RAB8B: variants seen among roughly 807,000 people sequenced by gnomAD.
The protein encoded by RAB8B is ras-related protein Rab-8B.
A neutral mutation model predicts 32.0 loss-of-function variants in RAB8B; 11 were observed. The observed-to-expected ratio is 0.34, with a 90% CI of 0.22 to 0.57. The LOEUF is 0.57. Among genes scored for constraint, RAB8B ranks in the 20% least tolerant of loss-of-function variants. RAB8B has a pLI of 0.86. For synonymous variants in RAB8B, 103 were observed against 89.6 expected (o/e 1.15, Z -0.85); for missense variants, 190 against 258.5 (o/e 0.73, Z 1.82).
chr15:63,192,797 T>C (rs925602474), intron 1 of RAB8B, among the ~76,000 whole-genome samples: 3 of 152,192 alleles, frequency 2.0e-5, no homozygotes, highest in African/African-American at 7.2e-5. Flanking sequence ...CTCACTTCTC[T>C]AAGGTCTTGC....
In RAB8B at chr15:63,248,322, G is replaced by A. The variant is rs2038088005; in HGVS notation, c.186-1323G>A. ...AGGTCAGGAGTTTGAGACCAGCCTG[G>A]TTAATATGGTGAAACCCCATCTCTA... On this transcript the variant is annotated intron_variant, in intron 2 of 7. Transcript: ENST00000321437. This position sits in a 1 kb window ranked among gnomAD's most constrained non-coding sequence, Gnocchi z 4.4. Among the ~76,000 whole-genome samples, 3 of 152,144 alleles carry A rather than the reference G, an allele frequency of 2.0e-5. No homozygotes were observed. Among genetic ancestry groups the A allele is most frequent in the Admixed American group, 2.0e-4 (3 of 15,276 alleles).
chr15:63,211,414 T>C (rs373076824), intron 1 of RAB8B, among the ~76,000 whole-genome samples: 6 of 152,346 alleles, frequency 3.9e-5, no homozygotes, highest in East Asian at 1.9e-4. Flanking sequence ...CCAGACTATA[T>C]GTGTTCACCA....
intron 3 of RAB8B, among the ~76,000 whole-genome samples, chr15:63,249,988 T>C (rs1253320094): frequency 1.3e-5 from 2 of 149,860 alleles, no homozygotes; most frequent in Non-Finnish European, 3.0e-5. Context: ...TACAAAAAAT[T>C]AGCCGGGCGC....
At chr15:63,223,143 GCT>G in intron 1 of RAB8B, 1 of 435,758 alleles carries the variant, frequency 2.3e-6, no homozygotes, top group Non-Finnish European at 4.6e-6. Context: ...ACGGAATCTT[GCT>G]CTGTCACCCA....
intron 1 of RAB8B, among the ~76,000 whole-genome samples, chr15:63,224,187 C>G (rs2037870589): frequency 6.6e-6 from 1 of 152,078 alleles, no homozygotes; most frequent in African/African-American, 2.4e-5. Flanking sequence ...GTAGTTGTTT[C>G]CAACATAGTT....
rs1309023391 is a variant in RAB8B at position 63,259,897 on chromosome 15, T to C, written c.480+205T>C. Reference sequence around the variant, plus strand: ...GTCGCCAGGCTGGAATGCAGTGGCATGATCTCGGCTCACTGCAACCTCTGC... The same window carrying C: ...GTCGCCAGGCTGGAATGCAGTGGCACGATCTCGGCTCACTGCAACCTCTGC... On this transcript the variant is annotated intron_variant, in intron 6 of 7. Coordinates refer to ENST00000321437, the MANE Select transcript of RAB8B (RefSeq NM_016530.3). The surrounding 1 kb of genome is among the most constrained non-coding windows in gnomAD (Gnocchi z 4.4). Among the ~76,000 whole-genome samples, 1 of 151,950 alleles carries C rather than the reference T, an allele frequency of 6.6e-6. No individual in the cohort carries two copies. Among genetic ancestry groups the C allele is most frequent in the East Asian group, 1.9e-4 (1 of 5,182 alleles).
At chr15:63,206,440 T>C (rs894485512) in intron 1 of RAB8B, among the ~76,000 whole-genome samples, 2 of 152,126 alleles carry the variant, frequency 1.3e-5, no homozygotes, top group African/African-American at 4.8e-5. Context: ...CCTGAAAAGA[T>C]CCCCTACTCC....
At chr15:63,235,152 AC>A (rs10711042) in intron 1 of RAB8B, among the ~76,000 whole-genome samples, 152,195 of 152,196 alleles carry the variant, frequency 1, 76,097 homozygotes, top group Middle Eastern at 1. Flanking sequence ...GATAAAATGT[AC>A]CCCTAGAAGA....
At chr15:63,210,128 A>C (rs2037735287) in intron 1 of RAB8B, among the ~76,000 whole-genome samples, 1 of 152,214 alleles carries the variant, frequency 6.6e-6, no homozygotes, top group Non-Finnish European at 1.5e-5. Flanking sequence ...GTGGTGGTGA[A>C]GTGGAGAAGT....
chr15:63,204,108 A>G (rs1409958454), intron 1 of RAB8B, among the ~76,000 whole-genome samples: 1 of 152,130 alleles, frequency 6.6e-6, no homozygotes, highest in Non-Finnish European at 1.5e-5. Flanking sequence ...TCCAGGTAAC[A>G]TAAGAAGCAC....
Position 63,256,728 on chromosome 15 carries a change from G to C in RAB8B, c.414+134G>C, listed in dbSNP as rs536454161. The C allele has an allele frequency of 1.0e-3, 668 of 654,966 alleles. 8 individuals are homozygous for C. The South Asian group carries it at 0.013, about 12-fold the overall frequency. 40.6% of individuals were successfully genotyped at this position (654,966 alleles called of 1,614,324 possible). A position where few individuals can be genotyped will look rare whatever the true frequency, so the allele number is the denominator to read the frequency against. On this transcript the variant is annotated intron_variant, in intron 5 of 7. Coordinates refer to ENST00000321437, the MANE Select transcript of RAB8B (RefSeq NM_016530.3). ...TTAAATTGGATATCAACAACAAAGA[G>C]ATGTAATCCATACTTGAATGGTGTG...
intron 1 of RAB8B, among the ~76,000 whole-genome samples, chr15:63,224,165 T>G (rs1393866940): frequency 1.3e-5 from 2 of 152,240 alleles, no homozygotes; most frequent in Non-Finnish European, 2.9e-5. Context: ...ATTTTATTTA[T>G]TTTTATCATT....
intron 6 of RAB8B, among the ~76,000 whole-genome samples, chr15:63,260,726 T>A (rs1176533453): frequency 6.6e-6 from 1 of 152,174 alleles, no homozygotes; most frequent in African/African-American, 2.4e-5. Context: ...GAACTGTTAT[T>A]TTTTTTAAAA....
intron 1 of RAB8B, among the ~76,000 whole-genome samples, chr15:63,201,074 TG>T (rs2037644552): frequency 6.6e-6 from 1 of 150,672 alleles, no homozygotes; most frequent in Admixed American, 6.6e-5. Flanking sequence ...CTTTTGAAGT[TG>T]GGGGTGGGGG....
At chr15:63,203,741 T>C (rs189168270) in intron 1 of RAB8B, among the ~76,000 whole-genome samples, 25 of 152,384 alleles carry the variant, frequency 1.6e-4, no homozygotes, top group African/African-American at 5.8e-4. Context: ...ATGAGGTAAT[T>C]GAGGCACAGA....
intron 1 of RAB8B, among the ~76,000 whole-genome samples, chr15:63,191,229 TAGAG>T (rs1321000238): frequency 1.3e-5 from 2 of 152,240 alleles, no homozygotes; most frequent in African/African-American, 2.4e-5. Context: ...TGGGAAATAA[TAGAG>T]AGCTAGTGCT....
At chr15:63,262,629 A>G (rs1168292832) in intron 6 of RAB8B, 63 bp from the exon 7 acceptor site, 16 of 404,424 alleles carry the variant, frequency 4.0e-5, no homozygotes, top group Non-Finnish European at 6.2e-5. Flanking sequence ...ATATGTGTAT[A>G]TATATATATA....
chr15:63,258,089 A>T (rs961464556), intron 5 of RAB8B, among the ~76,000 whole-genome samples: 6 of 150,392 alleles, frequency 4.0e-5, no homozygotes, highest in African/African-American at 1.5e-4. Flanking sequence ...AAGTAATTAA[A>T]AGTAAGTATA....
At chr15:63,225,123 A>G (rs2037878275) in intron 1 of RAB8B, among the ~76,000 whole-genome samples, 1 of 152,256 alleles carries the variant, frequency 6.6e-6, no homozygotes, top group South Asian at 2.1e-4. Flanking sequence ...CTTATCAGAC[A>G]AAGGACTTTG....
Sources: allele counts gnomAD v4.1 joint callset (sites outside exome capture counted in the v4.1 genomes callset), GRCh38; gene constraint gnomAD v4.1.1; non-coding constraint Gnocchi (gnomAD v3.1); transcripts MANE v1.5; gene names NCBI Gene and HGNC (gene_info 2026-07-23, HGNC 2026-07-21).